The following EGLN1 variants were observed in gnomAD, a reference collection of about 807,000 sequenced individuals.
EGLN1 encodes the protein egl-9 family hypoxia inducible factor 1.
Under a neutral mutation model 38.3 loss-of-function variants are expected in EGLN1, and 17 were observed. That is an observed-to-expected ratio of 0.44 (90% confidence interval 0.30 to 0.67). The LOEUF (loss-of-function observed/expected upper bound fraction) is 0.67, where lower values mean the gene tolerates loss of function less well. Ranked by LOEUF, EGLN1 falls within the 30% of genes least tolerant of loss-of-function variation. EGLN1 has a pLI of 0.08. For missense variants in EGLN1, 477 were observed against 603.3 expected, an observed-to-expected ratio of 0.79 and a Z score of 2.19; for synonymous variants, 283 against 257.5, an observed-to-expected ratio of 1.10 and a Z score of -0.95.
chr1:231,411,837 A>T (rs1688956208), intron 1 of EGLN1, among the ~76,000 whole-genome samples: 1 of 151,664 alleles, frequency 6.6e-6, no homozygotes, highest in African/African-American at 2.4e-5. Context: ...TCTCTACTAA[A>T]CATACAAAAA....
chr1:231,376,350 A>G (rs1299685409), intron 1 of EGLN1, among the ~76,000 whole-genome samples: 2 of 152,130 alleles, frequency 1.3e-5, no homozygotes, highest in African/African-American at 4.8e-5. Context: ...CCCATTAGTC[A>G]TTTAGTAGCC....
At chr1:231,387,002 G>A (rs1445985890) in intron 1 of EGLN1, among the ~76,000 whole-genome samples, 1 of 151,372 alleles carries the variant, frequency 6.6e-6, no homozygotes, top group Non-Finnish European at 1.5e-5. Context: ...CTCTACAGGT[G>A]TGCACCATCA....
intron 1 of EGLN1, among the ~76,000 whole-genome samples, chr1:231,383,251 G>A (rs1688117647): frequency 6.6e-6 from 1 of 152,040 alleles, no homozygotes; most frequent in Non-Finnish European, 1.5e-5. Flanking sequence ...GGTTCTGGGG[G>A]AAGAGATTTG....
rs1021153450 is a variant in EGLN1, at chr1:231,406,141, G to A, written c.891+14857C>T. Reference sequence around the variant, plus strand: ...TGCACCACTGCAGTCCAGCCTGGGCGACAGAGCCAGAGAGACTCCGTCTCA... The same window carrying A: ...TGCACCACTGCAGTCCAGCCTGGGCAACAGAGCCAGAGAGACTCCGTCTCA... On this transcript the variant is annotated intron_variant, in intron 1 of 4. Coordinates refer to ENST00000366641, the MANE Select transcript of EGLN1 (RefSeq NM_022051.3). Among the ~76,000 whole-genome samples the A allele has an allele frequency of 2.3e-3, 322 of 137,508 alleles. 2 individuals are homozygous for A. Among genetic ancestry groups the A allele is most frequent in the African/African-American group, 8.5e-3 (300 of 35,112 alleles). 90.2% of individuals were successfully genotyped at this position (137,508 alleles called of 152,430 possible). A position where few individuals can be genotyped will look rare whatever the true frequency, so the allele number is the denominator to read the frequency against.
At chr1:231,400,369 T>C (rs915174119) in intron 1 of EGLN1, among the ~76,000 whole-genome samples, 4 of 152,080 alleles carry the variant, frequency 2.6e-5, no homozygotes, top group Admixed American at 2.6e-4. Flanking sequence ...TCAGAATCTC[T>C]GATTCAGAAG....
At chr1:231,386,569 T>C (rs1688213561) in intron 1 of EGLN1, among the ~76,000 whole-genome samples, 1 of 152,198 alleles carries the variant, frequency 6.6e-6, no homozygotes, top group Admixed American at 6.5e-5. Context: ...TATTTATATA[T>C]TGCCACACCT....
chr1:231,372,830 A>C (rs1314563888), intron 2 of EGLN1, among the ~76,000 whole-genome samples: 1 of 152,188 alleles, frequency 6.6e-6, no homozygotes, highest in African/African-American at 2.4e-5. Context: ...AGGTTTTTGC[A>C]CATTTAAGAC....
At chr1:231,373,331 T>C (rs1199775295) in intron 2 of EGLN1, among the ~76,000 whole-genome samples, 2 of 152,120 alleles carry the variant, frequency 1.3e-5, no homozygotes, top group Admixed American at 1.3e-4. Context: ...CAATTATCCA[T>C]AGATAATCTC....
At chr1:231,406,542 C>T (rs528140026) in intron 1 of EGLN1, among the ~76,000 whole-genome samples, 29 of 152,068 alleles carry the variant, frequency 1.9e-4, no homozygotes, top group African/African-American at 6.5e-4. Flanking sequence ...GATATACATA[C>T]CATTATTTAT....
intron 1 of EGLN1, among the ~76,000 whole-genome samples, chr1:231,385,971 A>G (rs557967766): frequency 2.0e-5 from 3 of 151,974 alleles, no homozygotes; most frequent in East Asian, 1.9e-4. Context: ...TCCTGAGTAG[A>G]CTAGCTAATT....
intron 1 of EGLN1, among the ~76,000 whole-genome samples, chr1:231,419,042 CCT>C (rs1039603918): frequency 1.3e-5 from 2 of 152,132 alleles, no homozygotes; most frequent in African/African-American, 4.8e-5. Flanking sequence ...ATTACCAAAA[CCT>C]CTTTCAGCCA....
At chr1:231,411,824 C>T (rs779378742) in intron 1 of EGLN1, among the ~76,000 whole-genome samples, 1 of 151,574 alleles carries the variant, frequency 6.6e-6, no homozygotes, top group South Asian at 2.1e-4. Flanking sequence ...TAATGAAACC[C>T]TGTCTCTACT....
At chr1:231,379,400 G>A (rs114642194) in intron 1 of EGLN1, among the ~76,000 whole-genome samples, 4,704 of 152,186 alleles carry the variant, frequency 0.031, 247 homozygotes, top group African/African-American at 0.11. Flanking sequence ...CATATTTGTG[G>A]TCATAAAACA....
chr1:231,413,542 T>C (rs1362028848), intron 1 of EGLN1, among the ~76,000 whole-genome samples: 1 of 152,222 alleles, frequency 6.6e-6, no homozygotes, highest in Non-Finnish European at 1.5e-5. Context: ...TCTGTCCTTA[T>C]CTTATTCTCC....
Position 231,365,432 on chromosome 1 carries a change from C to A in EGLN1, c.*979G>T, listed in dbSNP as rs1198957237. On this transcript the variant is annotated 3_prime_UTR_variant, in exon 5 of 5. Coordinates refer to ENST00000366641, the MANE Select transcript of EGLN1 (RefSeq NM_022051.3). ...CACTTTAGTTTTTTAAAAAATTTAACTTAAACCCCAGCCTAGGCAACATGG... is the reference window on the plus strand; with the variant it reads ...CACTTTAGTTTTTTAAAAAATTTAAATTAAACCCCAGCCTAGGCAACATGG... 2 of 152,032 alleles carry A rather than the reference C, an allele frequency of 1.3e-5. No homozygotes were observed. The highest frequency in any genetic ancestry group is 4.8e-5 in the African/African-American group (2 of 41,374). 9.4% of individuals were successfully genotyped at this position (152,032 alleles called of 1,614,324 possible).
intron 1 of EGLN1, among the ~76,000 whole-genome samples, chr1:231,394,857 C>G (rs1319089898): frequency 6.6e-6 from 1 of 151,960 alleles, no homozygotes; most frequent in Non-Finnish European, 1.5e-5. Flanking sequence ...GGCTAGGATG[C>G]GGGAAAGTAC....
intron 1 of EGLN1, among the ~76,000 whole-genome samples, chr1:231,416,158 T>C (rs1291224751): frequency 6.6e-6 from 1 of 151,676 alleles, no homozygotes; most frequent in Non-Finnish European, 1.5e-5. Context: ...GCCCCTTTCT[T>C]TCTTAATAAT....
chr1:231,411,759 G>A (rs780061565), intron 1 of EGLN1, among the ~76,000 whole-genome samples: 2 of 151,972 alleles, frequency 1.3e-5, no homozygotes, highest in Non-Finnish European at 2.9e-5. Context: ...AGCACTTTGG[G>A]AGGCCTAGGT....
intron 1 of EGLN1, 66 bp from the exon 2 acceptor site, chr1:231,374,165 A>C (rs1687897698): frequency 6.8e-7 from 1 of 1,462,588 alleles, no homozygotes; most frequent in Non-Finnish European, 9.5e-7. Context: ...CAGCTAATAA[A>C]TCAGATCTCT....
Sources: gnomAD v4.1 joint callset for allele counts (sites outside exome capture counted in the v4.1 genomes callset) on GRCh38, gnomAD v4.1.1 for gene constraint, MANE v1.5 for transcripts, NCBI Gene and HGNC (gene_info 2026-07-23, HGNC 2026-07-21) for gene names.